MAP4: variants seen among roughly 807,000 people sequenced by gnomAD.
MAP4 encodes the protein microtubule associated protein 4, also known as microtubule-associated protein 4.
Under a neutral mutation model 170.2 loss-of-function variants are expected in MAP4, and 76 were observed. That is an observed-to-expected ratio of 0.45 (90% CI 0.37 to 0.54). The LOEUF (loss-of-function observed/expected upper bound fraction) is 0.54. Among genes scored for constraint, MAP4 ranks in the 20% least tolerant of loss-of-function variants. The pLI is 0.00. For synonymous variants in MAP4, 909 were observed against 994.5 expected (o/e 0.91, Z 1.62); for missense variants, 2,506 against 2,748.0 (o/e 0.91, Z 1.97).
chr3:47,918,575 G>A, intron 6 of MAP4, 144 bp downstream of exon 6: 1 of 584,942 alleles, frequency 1.7e-6, no homozygotes, highest in South Asian at 2.5e-5. Context: ...CTCCAGTGGT[G>A]ATATCACTAA....
At chr3:47,920,315 C>T (rs931664201) in intron 5 of MAP4, among the ~76,000 whole-genome samples, 2 of 152,106 alleles carry the variant, frequency 1.3e-5, no homozygotes, top group African/African-American at 4.8e-5. Context: ...CCATGTTGGC[C>T]AGGCTGGTCT....
intron 1 of MAP4, among the ~76,000 whole-genome samples, chr3:48,059,909 G>A (rs999603779): frequency 6.6e-6 from 1 of 151,118 alleles, no homozygotes; most frequent in African/African-American, 2.4e-5. Context: ...GAACCTGGAG[G>A]ATGCAGTGGG....
At chr3:47,994,748 G>A (rs1326920819) in intron 2 of MAP4, among the ~76,000 whole-genome samples, 2 of 152,146 alleles carry the variant, frequency 1.3e-5, no homozygotes, top group African/African-American at 4.8e-5. Flanking sequence ...TCAGGAGTTT[G>A]AGACCAGCCT....
upstream of MAP4, among the ~76,000 whole-genome samples, chr3:48,018,421 T>C (rs1298533302): frequency 2.0e-5 from 3 of 152,156 alleles, no homozygotes; most frequent in African/African-American, 7.2e-5. Context: ...TTGAAATTAA[T>C]CAGAAGTTCC....
chr3:47,895,403 G>GC (rs2153182510), intron 10 of MAP4, among the ~76,000 whole-genome samples: 1 of 152,276 alleles, frequency 6.6e-6, no homozygotes, highest in South Asian at 2.1e-4. Flanking sequence ...GTAATCACAG[G>GC]CCCACTGCTA....
chr3:48,038,284 T>C (rs137930497), intron 1 of MAP4, among the ~76,000 whole-genome samples: 2 of 150,828 alleles, frequency 1.3e-5, no homozygotes, highest in Non-Finnish European at 3.0e-5. Context: ...TATGAAAGAG[T>C]GAAGGAAAGA....
chr3:47,972,138 C>G (rs945400041), intron 3 of MAP4, among the ~76,000 whole-genome samples: 1 of 152,174 alleles, frequency 6.6e-6, no homozygotes, highest in African/African-American at 2.4e-5. Context: ...ATGCAAATTA[C>G]TTAGATATAA....
At chr3:48,023,584 C>A (rs1044624322) in intron 1 of MAP4, among the ~76,000 whole-genome samples, 2 of 152,198 alleles carry the variant, frequency 1.3e-5, no homozygotes, top group African/African-American at 4.8e-5. Flanking sequence ...TCTAAGTCTG[C>A]ATGTGCTGAC....
chr3:48,084,861 T>C (rs1485964419), intron 1 of MAP4, among the ~76,000 whole-genome samples: 1 of 151,800 alleles, frequency 6.6e-6, no homozygotes, highest in African/African-American at 2.4e-5. Flanking sequence ...CAGGCTGGTA[T>C]CAAACTTCTG....
At chr3:48,025,163 A>G (rs1047166002) in intron 1 of MAP4, among the ~76,000 whole-genome samples, 1 of 152,124 alleles carries the variant, frequency 6.6e-6, no homozygotes, top group African/African-American at 2.4e-5. Flanking sequence ...TTAGAACTGT[A>G]TAAGATTGTG....
chr3:47,898,934 T>TC (rs2100028529), intron 10 of MAP4, among the ~76,000 whole-genome samples: 1 of 152,194 alleles, frequency 6.6e-6, no homozygotes, highest in East Asian at 1.9e-4. Flanking sequence ...CACTCCAGCC[T>TC]GAGCGACAGA....
chr3:48,065,735 TAAA>T (rs975213181), intron 1 of MAP4, among the ~76,000 whole-genome samples: 2 of 152,098 alleles, frequency 1.3e-5, no homozygotes, highest in Non-Finnish European at 2.9e-5. Flanking sequence ...TTTGAGGAAA[TAAA>T]AAACTAGTGA....
chr3:47,856,357 G>A (rs1285929595), intron 18 of MAP4, among the ~76,000 whole-genome samples: 5 of 151,890 alleles, frequency 3.3e-5, no homozygotes, highest in Admixed American at 2.0e-4. Flanking sequence ...AGATAAAAGG[G>A]GAAAAAAATG....
Position 47,928,247 on chromosome 3 carries a change from C to T in MAP4, c.396G>A (p.Val132=). ...DTNFCFQPEQ[V]VDPIQTDPFK... The stretch of plus-strand genomic sequence containing the variant: ...ACTTACCAGTCTGGATAGGATCGAC[C>T]ACTTGCTCAGGTTGGAAACAAAAGT... Residue 132 remains valine (V), a synonymous_variant, in exon 4 of 21, where the codon GTG becomes GTA. Transcript: ENST00000683076. 6.2e-7 allele frequency: 1 copy of T among 1,614,142 alleles called. No individual in the cohort carries two copies. Among genetic ancestry groups the T allele is most frequent in the Non-Finnish European group, 8.5e-7 (1 of 1,180,016 alleles).
intron 3 of MAP4, among the ~76,000 whole-genome samples, chr3:47,966,966 C>T (rs991631248): frequency 6.6e-6 from 1 of 152,180 alleles, no homozygotes; most frequent in Non-Finnish European, 1.5e-5. Flanking sequence ...AGGAGGGCTC[C>T]TTGAGATTCC....
At chr3:48,085,984 G>A (rs544427329) in intron 1 of MAP4, among the ~76,000 whole-genome samples, 12 of 151,914 alleles carry the variant, frequency 7.9e-5, no homozygotes, top group South Asian at 2.1e-4. Context: ...CCCAGGAGGC[G>A]AAGGTTGCAG....
chr3:48,027,549 T>C (rs2100113746), intron 1 of MAP4, among the ~76,000 whole-genome samples: 1 of 152,112 alleles, frequency 6.6e-6, no homozygotes, highest in Admixed American at 6.6e-5. Context: ...TTTTACAGCT[T>C]TTTTAAAAAA....
chr3:47,947,857 C>T (rs1020196845), intron 3 of MAP4, among the ~76,000 whole-genome samples: 2 of 151,540 alleles, frequency 1.3e-5, no homozygotes, highest in African/African-American at 4.8e-5. Flanking sequence ...AAACAAAAAT[C>T]TCTGCTTCTT....
chr3:48,034,684 C>G (rs956829871), intron 1 of MAP4, among the ~76,000 whole-genome samples: 4 of 151,660 alleles, frequency 2.6e-5, no homozygotes, highest in Non-Finnish European at 5.9e-5. Context: ...CCCTGGGCGA[C>G]AGAGAGAGAC....
Sources: gnomAD v4.1 joint callset for allele counts (sites outside exome capture counted in the v4.1 genomes callset) on GRCh38, gnomAD v4.1.1 for gene constraint, MANE v1.5 for transcripts, NCBI Gene and HGNC (gene_info 2026-07-23, HGNC 2026-07-21) for gene names.